The following SH3PXD2B variants were observed in gnomAD, a reference collection of about 807,000 sequenced individuals.
The protein encoded by SH3PXD2B is SH3 and PX domains 2B.
SH3PXD2B carries 37 observed loss-of-function variants against 73.1 expected under a neutral mutation model. The ratio of observed to expected loss-of-function variants is 0.51; its 90% CI spans 0.39 to 0.67. The LOEUF (loss-of-function observed/expected upper bound fraction) is 0.67. Among genes scored for constraint, SH3PXD2B ranks in the 30% least tolerant of loss-of-function variants. The pLI is 0.00. For missense variants in SH3PXD2B, 1,053 were observed against 1,197.8 expected, an observed-to-expected ratio of 0.88 and a Z score of 1.78; for synonymous variants, 457 against 480.5, an observed-to-expected ratio of 0.95 and a Z score of 0.64.
chr5:172,368,745 A>T (rs113808326), intron 6 of SH3PXD2B, among the ~76,000 whole-genome samples: 4 of 94,498 alleles, frequency 4.2e-5, no homozygotes, highest in African/African-American at 2.1e-4. Context: ...AATATATGTA[A>T]TATATATATA....
At chr5:172,446,661 C>T (rs552318930) in intron 1 of SH3PXD2B, among the ~76,000 whole-genome samples, 2 of 152,298 alleles carry the variant, frequency 1.3e-5, no homozygotes, top group East Asian at 3.9e-4. Context: ...CGGTGGGAGG[C>T]AAGAGGATGC....
At position 172,335,532 on chromosome 5, in the gene SH3PXD2B, C is replaced by A; in HGVS notation, c.*2837G>T. 2.4e-6 allele frequency: 3 copies of A among 1,231,786 alleles called. No individual in the cohort carries two copies. The African/African-American group carries it at 4.6e-5, about 19-fold the overall frequency. The allele number at this position is 1,231,786 out of a possible 1,614,324, so 76.3% of individuals were successfully genotyped here. The stretch of plus-strand genomic sequence containing the variant: ...TTAATTTTCTCACTATAGATCAGGG[C>A]TGGTCCTATCCGCCTCACAGGCTTG... On this transcript the variant is annotated 3_prime_UTR_variant, in exon 13 of 13. Transcript: ENST00000311601.
intron 5 of SH3PXD2B, among the ~76,000 whole-genome samples, chr5:172,381,649 G>A (rs1166604942): frequency 4.6e-5 from 7 of 152,192 alleles, no homozygotes; most frequent in Admixed American, 1.3e-4. Flanking sequence ...GTCTTCGTTG[G>A]TTTGGGTTGC....
chr5:172,409,250 C>T (rs777308807), intron 2 of SH3PXD2B, among the ~76,000 whole-genome samples: 4 of 151,936 alleles, frequency 2.6e-5, no homozygotes, highest in African/African-American at 4.8e-5. Flanking sequence ...GGCGTGGTGG[C>T]GGGCACCTGT....
intron 4 of SH3PXD2B, among the ~76,000 whole-genome samples, chr5:172,391,541 C>A (rs1174037139): frequency 1.3e-5 from 2 of 152,192 alleles, no homozygotes; most frequent in Non-Finnish European, 2.9e-5. Flanking sequence ...TGGCTCACTG[C>A]AACCTCCACC....
At chr5:172,394,533 G>C in intron 4 of SH3PXD2B, 30 bp downstream of exon 4, 2 of 1,609,536 alleles carry the variant, frequency 1.2e-6, no homozygotes, top group East Asian at 2.2e-5. Context: ...CACCTACAGG[G>C]AAGACTGCGT....
chr5:172,332,395 A>G (rs1756575578), downstream of SH3PXD2B, among the ~76,000 whole-genome samples: 1 of 150,190 alleles, frequency 6.7e-6, no homozygotes, highest in Admixed American at 6.7e-5. Flanking sequence ...CTGGGCCTGT[A>G]GGTGTGCACC....
chr5:172,431,313 T>C (rs940003899), intron 1 of SH3PXD2B, among the ~76,000 whole-genome samples: 2 of 152,240 alleles, frequency 1.3e-5, no homozygotes, highest in African/African-American at 4.8e-5. Flanking sequence ...CCAGAAGAGC[T>C]GCAACCCGGA....
intron 5 of SH3PXD2B, among the ~76,000 whole-genome samples, chr5:172,377,825 G>A (rs970538828): frequency 5.9e-5 from 9 of 152,184 alleles, no homozygotes; most frequent in African/African-American, 2.2e-4. Flanking sequence ...GCTGTGTTTT[G>A]TATTTTCAGT....
At chr5:172,346,476 C>T (rs1042137265) in intron 11 of SH3PXD2B, among the ~76,000 whole-genome samples, 5 of 152,082 alleles carry the variant, frequency 3.3e-5, no homozygotes, top group Admixed American at 1.3e-4. Flanking sequence ...TGGGAAGAAA[C>T]ACGGGACATT....
At chr5:172,417,862 A>G (rs1758861601) in intron 2 of SH3PXD2B, among the ~76,000 whole-genome samples, 2 of 152,196 alleles carry the variant, frequency 1.3e-5, no homozygotes, top group African/African-American at 4.8e-5. Context: ...CAGTATATCC[A>G]TAAGGTTATG....
At chr5:172,382,774 G>T (rs1757978256) in intron 4 of SH3PXD2B, among the ~76,000 whole-genome samples, 1 of 152,090 alleles carries the variant, frequency 6.6e-6, no homozygotes, top group Admixed American at 6.6e-5. Context: ...TGTCACTCAG[G>T]CTGGAGTGCA....
rs1756669746 is a variant in SH3PXD2B at position 172,335,593 on chromosome 5, T to C, written c.*2776A>G. ...TAAAGGAGCGTGTGTGTTTAGGCAC[T>C]GGTCACCAGCCCGGTGCTTGGCACC... On this transcript the variant is annotated 3_prime_UTR_variant, in exon 13 of 13. Transcript: ENST00000311601. 1 of 1,231,860 alleles carries C rather than the reference T, an allele frequency of 8.1e-7. No homozygotes were observed. Among genetic ancestry groups the C allele is most frequent in the Non-Finnish European group, 1.0e-6 (1 of 988,048 alleles). The allele number at this position is 1,231,860 out of a possible 1,614,324, so 76.3% of individuals were successfully genotyped here.
At chr5:172,416,449 T>C (rs1039257119) in intron 2 of SH3PXD2B, among the ~76,000 whole-genome samples, 2 of 151,588 alleles carry the variant, frequency 1.3e-5, no homozygotes, top group Non-Finnish European at 2.9e-5. Context: ...TGCCTCAGCC[T>C]CCTGAGTAGC....
At position 172,346,218 on chromosome 5, in the gene SH3PXD2B, A is replaced by T. The variant is rs774449457; in HGVS notation, c.1106T>A (p.Val369Glu). 6.2e-7 allele frequency: 1 copy of T among 1,614,052 alleles called. No individual in the cohort carries two copies. Among genetic ancestry groups the T allele is most frequent in the Non-Finnish European group, 8.5e-7 (1 of 1,179,998 alleles). The change falls in exon 12 of 13, where the codon GTG (valine) becomes GAG (glutamate). Residue 369 changes from valine to glutamate, a missense_variant. By Grantham distance (121) the Val-to-Glu change is moderately radical (BLOSUM62 -2). This residue lies in a region of SH3PXD2B where 466 missense variants were observed against 607.1 expected (regional missense o/e 0.77). Coordinates refer to ENST00000311601, the MANE Select transcript of SH3PXD2B (RefSeq NM_001017995.3). ...GGCGATGGTGTAATACTCTTCCTCC[A>T]CTTGGGGCGGGATGGGCGGCTTCGG... ...NLPKPPIPPQVEEEYYTIAEF... is the reference protein window; with the variant it reads ...NLPKPPIPPQEEEEYYTIAEF...
intron 1 of SH3PXD2B, among the ~76,000 whole-genome samples, chr5:172,443,326 T>C (rs1759590195): frequency 6.6e-6 from 1 of 152,234 alleles, no homozygotes; most frequent in Non-Finnish European, 1.5e-5. Flanking sequence ...CAGAAGGCAA[T>C]GCTAAATTTC....
In SH3PXD2B at chr5:172,353,692, G is replaced by C. The variant is rs979848652; in HGVS notation, c.785+196C>G. On this transcript the variant is annotated intron_variant, in intron 9 of 12. Coordinates refer to ENST00000311601, the MANE Select transcript of SH3PXD2B (RefSeq NM_001017995.3). The surrounding 1 kb of genome is among the most constrained non-coding windows in gnomAD (Gnocchi z 4.3). ...TTTGGAGAAAGTTTTGCTTATCATG[G>C]ACTTTTAGGGAAGGATATGGGTAGG... 1.3e-5 allele frequency among the ~76,000 whole-genome samples: 2 copies of C among 152,172 alleles called. No homozygotes were observed. Among genetic ancestry groups the C allele is most frequent in the East Asian group, 3.8e-4 (2 of 5,200 alleles).
At chr5:172,451,741 C>A (rs888704165) in intron 1 of SH3PXD2B, among the ~76,000 whole-genome samples, 1 of 152,226 alleles carries the variant, frequency 6.6e-6, no homozygotes, top group African/African-American at 2.4e-5. Context: ...CAATAGCTGC[C>A]TTCATGCCCG....
chr5:172,449,943 G>A (rs1256723370), intron 1 of SH3PXD2B, among the ~76,000 whole-genome samples: 1 of 152,114 alleles, frequency 6.6e-6, no homozygotes, highest in African/African-American at 2.4e-5. Context: ...TAGCTGGATC[G>A]ACATAGATCT....
Sources: gnomAD v4.1 joint callset for allele counts (sites outside exome capture counted in the v4.1 genomes callset) on GRCh38, gnomAD v4.1.1 for gene constraint, gnomAD v4.1.1 regional missense constraint, Gnocchi (gnomAD v3.1) non-coding constraint, MANE v1.5 for transcripts, NCBI Gene and HGNC (gene_info 2026-07-23, HGNC 2026-07-21) for gene names.